The following ARVCF variants were observed in gnomAD, a reference collection of about 807,000 sequenced individuals.
The protein encoded by ARVCF is splicing regulator ARVCF.
A neutral mutation model predicts 90.9 loss-of-function variants in ARVCF; 66 were observed. That is an observed-to-expected ratio of 0.73 (90% CI 0.60 to 0.89). The LOEUF is 0.89. ARVCF is among the 40% of genes least tolerant of loss of function. The probability of loss-of-function intolerance (pLI) is 0.00; values close to 1 mark genes in which losing one functional copy is unlikely to be tolerated. For synonymous variants in ARVCF, 653 were observed against 603.4 expected (o/e 1.08, Z -1.21); for missense variants, 1,469 against 1,382.3 (o/e 1.06, Z -1.00).
Position 19,970,204 on chromosome 22 carries a change from A to C in ARVCF, c.*552T>G, listed in dbSNP as rs1601554671. 1 of 989,104 alleles carries C rather than the reference A, an allele frequency of 1.0e-6. No homozygotes were observed. Among genetic ancestry groups the C allele is most frequent in the Admixed American group, 5.9e-5 (1 of 17,094 alleles). 61.3% of individuals were successfully genotyped at this position (989,104 alleles called of 1,614,324 possible). Reference sequence around the variant, plus strand: ...GTGGGGCACCTGTAGCCTGACCCCCACCTTGCTGCTTCCAAAGCTTCCTTG... The same window carrying C: ...GTGGGGCACCTGTAGCCTGACCCCCCCCTTGCTGCTTCCAAAGCTTCCTTG... On this transcript the variant is annotated 3_prime_UTR_variant, in exon 20 of 20. Coordinates refer to ENST00000263207, the MANE Select transcript of ARVCF (RefSeq NM_001670.3).
downstream of ARVCF, among the ~76,000 whole-genome samples, chr22:19,966,286 G>A (rs1183945634): frequency 6.6e-6 from 1 of 152,084 alleles, no homozygotes; most frequent in Non-Finnish European, 1.5e-5. Context: ...CCCTCAGTGG[G>A]TTCTGTGAGC....
At chr22:19,968,304 TTGA>T (rs1942534224), downstream of ARVCF, among the ~76,000 whole-genome samples, 1 of 151,942 alleles carries the variant, frequency 6.6e-6, no homozygotes, top group South Asian at 2.1e-4. Context: ...GATACAGGAG[TTGA>T]TGAGAGAAAG....
intron 6 of ARVCF, 68 bp downstream of exon 6, chr22:19,979,675 T>A: frequency 6.7e-7 from 1 of 1,495,466 alleles, no homozygotes. Flanking sequence ...AGTGGCCTCG[T>A]TCCTCCCGGG....
downstream of ARVCF, among the ~76,000 whole-genome samples, chr22:19,966,649 C>T (rs1203133637): frequency 6.6e-6 from 1 of 152,118 alleles, no homozygotes; most frequent in East Asian, 1.9e-4. Context: ...CTATGTTGCC[C>T]AGACTGGTCT....
At position 19,973,152 on chromosome 22, in the gene ARVCF, C is replaced by T; in HGVS notation, c.2405G>A (p.Gly802Glu). The T allele has an allele frequency of 1.2e-6, 2 of 1,609,884 alleles. No individual in the cohort carries two copies. Among genetic ancestry groups the T allele is most frequent in the Non-Finnish European group, 1.7e-6 (2 of 1,178,816 alleles). Residue 802 changes from glycine to glutamate, a missense_variant, in exon 14 of 20, where the codon GGG (glycine) becomes GAG (glutamate). Physicochemically the swap from Gly to Glu is moderately conservative, Grantham distance 98 (BLOSUM62 -2). Transcript: ENST00000263207. ...DNARSLLQAR[G>E]VPALVALVAS... ...CACGAGAGCCACCAACGCTGGCACC[C>T]CGCGTGCCTGCAGGAGCGAGCGCGC...
intron 3 of ARVCF, among the ~76,000 whole-genome samples, chr22:19,985,670 C>A (rs997000983): frequency 5.3e-5 from 8 of 152,192 alleles, no homozygotes; most frequent in Non-Finnish European, 7.4e-5. Flanking sequence ...GTGGCTGGGC[C>A]CTGGTCCCAT....
chr22:20,011,901 A>T (rs1944846015), intron 1 of ARVCF, among the ~76,000 whole-genome samples: 1 of 151,822 alleles, frequency 6.6e-6, no homozygotes, highest in African/African-American at 2.4e-5. Context: ...TCTCCCCCGG[A>T]GTCACCATGT....
downstream of ARVCF, chr22:19,969,771 G>A: frequency 1.1e-6 from 1 of 925,656 alleles, no homozygotes; most frequent in Non-Finnish European, 1.3e-6. Context: ...CAGAGCCTCT[G>A]CAGGACACAG....
chr22:19,973,558 A>C (rs1942969933), intron 13 of ARVCF, 85 bp downstream of exon 13: 1 of 1,522,870 alleles, frequency 6.6e-7, no homozygotes, highest in Non-Finnish European at 8.8e-7. Flanking sequence ...CTCCCAAACC[A>C]CTCATCCTCC....
intron 3 of ARVCF, among the ~76,000 whole-genome samples, chr22:19,984,722 C>T (rs748795065): frequency 6.6e-6 from 1 of 152,226 alleles, no homozygotes; most frequent in Non-Finnish European, 1.5e-5. Context: ...GAGGCACACT[C>T]GTGAGCACAC....
intron 19 of ARVCF, 77 bp from the exon 20 acceptor site, chr22:19,970,820 G>C: frequency 7.8e-7 from 1 of 1,289,940 alleles, no homozygotes; most frequent in South Asian, 1.2e-5. Context: ...GGGCAGGGCA[G>C]CCAACTCCAC....
intron 3 of ARVCF, among the ~76,000 whole-genome samples, chr22:19,990,015 T>G (rs1225138410): frequency 6.6e-6 from 1 of 152,216 alleles, no homozygotes; most frequent in Non-Finnish European, 1.5e-5. Context: ...GTGCTGGGAA[T>G]GGGGTGTCCC....
intron 6 of ARVCF, 124 bp downstream of exon 6, chr22:19,979,619 G>T: frequency 7.2e-7 from 1 of 1,383,862 alleles, no homozygotes; most frequent in Non-Finnish European, 9.6e-7. Context: ...CGTCTCAGCA[G>T]CTGCACTCCT....
At chr22:19,973,992 A>G in intron 12 of ARVCF, 120 bp downstream of exon 12, 2 of 1,510,240 alleles carry the variant, frequency 1.3e-6, no homozygotes. Context: ...CACCTCTTGG[A>G]TCCTGGGGTG....
At chr22:19,974,271 C>T in intron 11 of ARVCF, 32 bp from the exon 12 acceptor site, 1 of 1,576,192 alleles carries the variant, frequency 6.3e-7, no homozygotes, top group Non-Finnish European at 8.6e-7. Flanking sequence ...CCCACGGTCA[C>T]CCAGAATCTG....
rs1234930370 is a variant in ARVCF at position 19,972,427 on chromosome 22, A to T, written c.2642-16T>A. Reference sequence around the variant, plus strand: ...TTCTCGCCCTCTGCAAGGCAGGAGGAGGAGACGGGCTGCATGTGGCAGCCA... The same window carrying T: ...TTCTCGCCCTCTGCAAGGCAGGAGGTGGAGACGGGCTGCATGTGGCAGCCA... On this transcript the variant is annotated splice_polypyrimidine_tract_variant and intron_variant, in intron 16 of 19. Transcript: ENST00000263207. 1.2e-6 allele frequency: 2 copies of T among 1,613,232 alleles called. No individual in the cohort carries two copies. The highest frequency in any genetic ancestry group is 1.3e-5 in the African/African-American group (1 of 75,036).
rs539506985 is a variant in ARVCF, at chr22:19,978,216, C to A, written c.1581-141G>T. 6.6e-5 allele frequency: 46 copies of A among 695,906 alleles called. 1 individual carries two copies. The South Asian group carries it at 9.6e-4, about 15-fold the overall frequency. 43.1% of individuals were successfully genotyped at this position (695,906 alleles called of 1,614,324 possible). ...CACTAATGGGAAAGGACCCCACAGT[C>A]TGGAGCTCAGTGAAGGGGGAGAAGC... On this transcript the variant is annotated intron_variant, in intron 7 of 19. Transcript: ENST00000263207.
chr22:19,972,945 AACCATCTTTCTGCAAGGT>A lies in ARVCF; in HGVS notation c.2512_2529del (p.Thr838_Gly843del). 1 of 1,613,872 alleles carries A rather than the reference AACCATCTTTCTGCAAGGT, an allele frequency of 6.2e-7. No homozygotes were observed. Among genetic ancestry groups the A allele is most frequent in the Non-Finnish European group, 8.5e-7 (1 of 1,180,030 alleles). ...CGCACCTGGAAGCGCGCCTTGGTCCAACCATCTTTCTGCAAGGTACCACGCAGCTCCTTGTAGCTCCAC... is the reference window on the plus strand; with the variant it reads ...CGCACCTGGAAGCGCGCCTTGGTCCAACCACGCAGCTCCTTGTAGCTCCAC... On this transcript the variant is annotated inframe_deletion, in exon 15 of 20. Transcript: ENST00000263207.
In ARVCF at chr22:19,973,773, G is replaced by C; in HGVS notation, c.2109C>G (p.Ala703=). 1 of 1,606,768 alleles carries C rather than the reference G, an allele frequency of 6.2e-7. No homozygotes were observed. Reference sequence around the variant, plus strand: ...GCAGCCCGCGCTCTTTGCGCACTGTGGCGCGGATGTACGTGGCCCACTGCG... The same window carrying C: ...GCAGCCCGCGCTCTTTGCGCACTGTCGCGCGGATGTACGTGGCCCACTGCG... The part of the protein sequence containing the change: ...GNWMWATYIR[A]TVRKERGLPV... Residue 703 remains alanine, a synonymous_variant, in exon 13 of 20, where the codon GCC becomes GCG. Coordinates refer to ENST00000263207, the MANE Select transcript of ARVCF (RefSeq NM_001670.3).
Sources: allele counts gnomAD v4.1 joint callset (sites outside exome capture counted in the v4.1 genomes callset), GRCh38; gene constraint gnomAD v4.1.1; transcripts MANE v1.5; gene names NCBI Gene and HGNC (gene_info 2026-07-23, HGNC 2026-07-21).